Variants in HYDIN observed in about 807,000 individuals in gnomAD.
The protein encoded by HYDIN is axonemal central pair apparatus protein HYDIN.
A neutral mutation model predicts 403.9 loss-of-function variants in HYDIN; 132 were observed. The observed-to-expected ratio is 0.33, with a 90% CI of 0.28 to 0.38. The LOEUF (loss-of-function observed/expected upper bound fraction) is 0.38, where lower values mean the gene tolerates loss of function less well. Among genes scored for constraint, HYDIN ranks in the 10% least tolerant of loss-of-function variants. HYDIN has a pLI of 1.00. For missense variants in HYDIN, 2,827 were observed against 5,009.5 expected (o/e 0.56, Z 13.15); for synonymous variants, 1,202 against 1,891.7 (o/e 0.64, Z 9.46).
At chr16:71,044,437 C>T (rs2144208505) in intron 18 of HYDIN, among the ~76,000 whole-genome samples, 1 of 150,788 alleles carries the variant, frequency 6.6e-6, no homozygotes, top group African/African-American at 2.4e-5. Flanking sequence ...ATTTTGATAG[C>T]TTGGTCTCAG....
intron 1 of HYDIN, among the ~76,000 whole-genome samples, chr16:71,211,350 C>T (rs1250184709): frequency 1.3e-5 from 2 of 152,160 alleles, no homozygotes; most frequent in African/African-American, 4.8e-5. Flanking sequence ...TATAAATCTC[C>T]CCTGGAGGGA....
At chr16:70,809,556 T>C (rs1597006453) in intron 85 of HYDIN, among the ~76,000 whole-genome samples, 1 of 152,186 alleles carries the variant, frequency 6.6e-6, no homozygotes, top group Non-Finnish European at 1.5e-5. Flanking sequence ...CCATCACAGC[T>C]TGTTAAGACA....
intron 12 of HYDIN, 29 bp from the exon 13 acceptor site, chr16:71,079,981 A>C (rs2082735144): frequency 1.3e-6 from 1 of 749,754 alleles, no homozygotes; most frequent in Admixed American, 2.1e-5. Flanking sequence ...GGTGGGGGAG[A>C]GGGAGAGAAT....
intron 42 of HYDIN, among the ~76,000 whole-genome samples, chr16:70,942,712 C>A (rs1022577589): frequency 4.6e-5 from 7 of 152,110 alleles, no homozygotes; most frequent in Non-Finnish European, 5.9e-5. Flanking sequence ...GTTCAGCTGG[C>A]AACTGAACAG....
intron 2 of HYDIN, among the ~76,000 whole-genome samples, chr16:71,185,410 T>C (rs906510480): frequency 6.6e-6 from 1 of 152,164 alleles, no homozygotes; most frequent in African/African-American, 2.4e-5. Flanking sequence ...CAACTAACAT[T>C]ACAATATGCA....
At chr16:71,042,312 G>A (rs2081309200) in intron 18 of HYDIN, among the ~76,000 whole-genome samples, 1 of 152,150 alleles carries the variant, frequency 6.6e-6, no homozygotes, top group Non-Finnish European at 1.5e-5. Flanking sequence ...GTCCACCACT[G>A]TCAGTTCTTT....
rs4028093 is a variant in HYDIN at position 70,980,797 on chromosome 16, T to G, written c.4510+594A>C. On this transcript the variant is annotated intron_variant, in intron 29 of 85. Transcript: ENST00000393567. ...GTCAGGAAGAAAGAGCCAGAGACAG[T>G]CTATGGCTAAAAGGGCTGCTCAGCT... Among the ~76,000 whole-genome samples the G allele has an allele frequency of 4.2e-4, 64 of 152,202 alleles. 1 individual carries two copies. The highest frequency in any genetic ancestry group is 1.4e-3 in the African/African-American group (58 of 41,524).
intron 25 of HYDIN, among the ~76,000 whole-genome samples, chr16:70,989,529 A>C (rs1353428622): frequency 6.6e-6 from 1 of 152,118 alleles, no homozygotes; most frequent in Non-Finnish European, 1.5e-5. Flanking sequence ...ATATGTGTGT[A>C]TATATAGTGT....
intron 21 of HYDIN, among the ~76,000 whole-genome samples, chr16:71,024,220 G>C (rs2144134868): frequency 6.6e-6 from 1 of 152,284 alleles, no homozygotes; most frequent in African/African-American, 2.4e-5. Flanking sequence ...TGCCTTCCAG[G>C]CAGACTGCAC....
At chr16:71,044,728 G>A (rs1006732929) in intron 18 of HYDIN, among the ~76,000 whole-genome samples, 2 of 136,758 alleles carry the variant, frequency 1.5e-5, no homozygotes, top group African/African-American at 2.6e-5. Flanking sequence ...GAACGCCATC[G>A]CATTTCTAAA....
intron 3 of HYDIN, among the ~76,000 whole-genome samples, chr16:71,182,162 G>A (rs937151383): frequency 6.6e-6 from 1 of 152,118 alleles, no homozygotes; most frequent in Non-Finnish European, 1.5e-5. Context: ...AGAGTAGAAG[G>A]CAAAGAGGTC....
At chr16:71,193,781 A>G (rs2087555239) in intron 1 of HYDIN, among the ~76,000 whole-genome samples, 1 of 151,736 alleles carries the variant, frequency 6.6e-6, no homozygotes, top group African/African-American at 2.4e-5. Flanking sequence ...TCATACCCTC[A>G]CCCCCATCTC....
chr16:71,046,710 G>A (rs947251796), intron 18 of HYDIN, among the ~76,000 whole-genome samples: 11 of 152,194 alleles, frequency 7.2e-5, no homozygotes, highest in Non-Finnish European at 1.5e-4. Context: ...AATCTAGATG[G>A]ATGTGTGTAG....
At chr16:70,925,990 G>C (rs2143830026) in intron 45 of HYDIN, among the ~76,000 whole-genome samples, 1 of 149,290 alleles carries the variant, frequency 6.7e-6, no homozygotes, top group South Asian at 2.2e-4. Context: ...TGGAGAAATA[G>C]GAACACTTTT....
intron 36 of HYDIN, among the ~76,000 whole-genome samples, chr16:70,967,500 G>C (rs79030613): frequency 7.1e-6 from 1 of 141,744 alleles, no homozygotes; most frequent in Non-Finnish European, 1.5e-5. Context: ...TTTTTTTTTT[G>C]AGACAGAGTC....
intron 7 of HYDIN, among the ~76,000 whole-genome samples, chr16:71,146,209 T>C (rs2085362247): frequency 6.6e-6 from 1 of 152,092 alleles, no homozygotes; most frequent in African/African-American, 2.4e-5. Context: ...GGGTTGACTA[T>C]GCTTCATTCT....
intron 10 of HYDIN, among the ~76,000 whole-genome samples, chr16:71,107,081 C>T (rs1485769242): frequency 1.4e-5 from 2 of 144,132 alleles, no homozygotes; most frequent in Non-Finnish European, 3.0e-5. Flanking sequence ...CGCATGTTCT[C>T]ACTCATAGGT....
intron 22 of HYDIN, among the ~76,000 whole-genome samples, chr16:71,018,983 AATTTC>A (rs2080369407): frequency 1.3e-5 from 2 of 150,424 alleles, no homozygotes; most frequent in East Asian, 1.9e-4. Flanking sequence ...TAGGTAATTT[AATTTC>A]TTTTCTAATG....
At chr16:71,163,886 T>A (rs1467488501) in intron 5 of HYDIN, among the ~76,000 whole-genome samples, 1 of 152,214 alleles carries the variant, frequency 6.6e-6, no homozygotes. Flanking sequence ...AGCTAACTGA[T>A]GCGTAAGTCA....
Sources: allele counts gnomAD v4.1 joint callset (sites outside exome capture counted in the v4.1 genomes callset), GRCh38; gene constraint gnomAD v4.1.1; transcripts MANE v1.5; gene names NCBI Gene and HGNC (gene_info 2026-07-23, HGNC 2026-07-21).